The following SNX30 variants were observed in gnomAD, a reference collection of about 807,000 sequenced individuals.
SNX30 encodes sorting nexin family member 30.
A neutral mutation model predicts 46.4 loss-of-function variants in SNX30; 24 were observed. The ratio of observed to expected loss-of-function variants is 0.52; its 90% confidence interval spans 0.37 to 0.73. The LOEUF is 0.73. Among genes scored for constraint, SNX30 ranks in the 30% least tolerant of loss-of-function variants. The pLI, the probability that SNX30 is intolerant of heterozygous loss-of-function variation, is 0.00. For missense variants in SNX30, 533 were observed against 555.7 expected, an observed-to-expected ratio of 0.96 and a Z score of 0.41; for synonymous variants, 189 against 211.5, an observed-to-expected ratio of 0.89 and a Z score of 0.92.
At chr9:112,856,969 A>C (rs1841141370) in intron 7 of SNX30, among the ~76,000 whole-genome samples, 1 of 152,160 alleles carries the variant, frequency 6.6e-6, no homozygotes. Context: ...CGTGGAACTT[A>C]AGTGCCAAAG....
chr9:112,768,855 C>A (rs571718085), intron 1 of SNX30, among the ~76,000 whole-genome samples: 1 of 152,002 alleles, frequency 6.6e-6, no homozygotes, highest in East Asian at 1.9e-4. Flanking sequence ...ATGGGTTTCA[C>A]CATGTTGGCC....
chr9:112,786,293 A>AT lies in SNX30; in HGVS notation c.157-18475dup, dbSNP rs199543527. Among the ~76,000 whole-genome samples the AT allele has an allele frequency of 4.0e-3, 608 of 151,226 alleles. 10 individuals are homozygous for AT. Among genetic ancestry groups the AT allele is most frequent in the African/African-American group, 0.014 (576 of 41,186 alleles). On this transcript the variant is annotated intron_variant, in intron 1 of 8. Transcript: ENST00000374232. ...CCATCACGCTCTGCTAATCTTTTGT[A>AT]TTTTTTTTGTAGAGACAGGGTTTTG...
intron 7 of SNX30, among the ~76,000 whole-genome samples, chr9:112,854,576 T>C (rs73554322): frequency 8.9e-4 from 136 of 152,352 alleles, no homozygotes; most frequent in African/African-American, 3.2e-3. Flanking sequence ...TTCACTTTGC[T>C]GCTTCTTTAG....
At chr9:112,841,365 T>A (rs963328056) in intron 6 of SNX30, among the ~76,000 whole-genome samples, 2 of 152,238 alleles carry the variant, frequency 1.3e-5, no homozygotes, top group Non-Finnish European at 2.9e-5. Flanking sequence ...AAGTTAGACA[T>A]CAAAGAAACA....
At chr9:112,849,131 G>A (rs1406843981) in intron 6 of SNX30, among the ~76,000 whole-genome samples, 1 of 152,154 alleles carries the variant, frequency 6.6e-6, no homozygotes, top group Non-Finnish European at 1.5e-5. Flanking sequence ...CATCCCACAT[G>A]GCCCCTGCCC....
At chr9:112,865,242 TACACACACCAC>T (rs1841305441) in intron 8 of SNX30, among the ~76,000 whole-genome samples, 1 of 114,406 alleles carries the variant, frequency 8.7e-6, no homozygotes, top group Non-Finnish European at 1.8e-5. Context: ...ACACACACCA[TACACACACCAC>T]ACACACATAG....
intron 1 of SNX30, among the ~76,000 whole-genome samples, chr9:112,767,492 A>G (rs1004862503): frequency 2.6e-5 from 4 of 151,932 alleles, no homozygotes; most frequent in African/African-American, 9.7e-5. Context: ...TCTATTGCCA[A>G]CTTCAGTGTC....
intron 1 of SNX30, among the ~76,000 whole-genome samples, chr9:112,783,565 T>TG (rs1839878110): frequency 6.6e-6 from 1 of 152,198 alleles, no homozygotes; most frequent in Admixed American, 6.5e-5. Context: ...CTTTCTATTT[T>TG]GGGGTTTTGT....
intron 7 of SNX30, among the ~76,000 whole-genome samples, chr9:112,854,704 T>A (rs1841092404): frequency 6.6e-6 from 1 of 152,166 alleles, no homozygotes; most frequent in South Asian, 2.1e-4. Context: ...GCAGCTGCGT[T>A]GGTGGGCAGA....
At chr9:112,851,409 C>T (rs531082367) in intron 7 of SNX30, among the ~76,000 whole-genome samples, 1 of 152,320 alleles carries the variant, frequency 6.6e-6, no homozygotes, top group African/African-American at 2.4e-5. Context: ...GTGTTAAACT[C>T]GCGTGAGGAG....
At chr9:112,837,123 A>G (rs539364684) in intron 5 of SNX30, among the ~76,000 whole-genome samples, 1 of 152,366 alleles carries the variant, frequency 6.6e-6, no homozygotes, top group East Asian at 1.9e-4. Flanking sequence ...TCACTAAGCC[A>G]TGATGACTGT....
chr9:112,785,150 TAATC>T (rs370889696), intron 1 of SNX30, among the ~76,000 whole-genome samples: 28 of 152,306 alleles, frequency 1.8e-4, no homozygotes, highest in African/African-American at 6.5e-4. Context: ...CATAGAAACA[TAATC>T]AAGTATTTCA....
chr9:112,838,601 G>C lies in SNX30; in HGVS notation c.918G>C (p.Gly306=). 2 of 1,614,218 alleles carry C rather than the reference G, an allele frequency of 1.2e-6. No individual in the cohort carries two copies. Among genetic ancestry groups the C allele is most frequent in the Non-Finnish European group, 1.7e-6 (2 of 1,180,028 alleles). Residue 306 remains glycine, a synonymous_variant, in exon 6 of 9, where the codon GGG becomes GGC. Coordinates refer to ENST00000374232, the MANE Select transcript of SNX30 (RefSeq NM_001012994.2). The part of the protein sequence containing the change: ...EPLEGVSACI[G]NCSTALEELT... ...TGGAGGGTGTGTCAGCTTGCATTGG[G>C]AACTGCTCTACAGCCTTAGAAGAGC...
chr9:112,884,466 C>G (rs140905360), downstream of SNX30, among the ~76,000 whole-genome samples: 137 of 152,212 alleles, frequency 9.0e-4, 2 homozygotes, highest in African/African-American at 3.0e-3. Flanking sequence ...AGTGACTTTG[C>G]GGAAAGGAAA....
intron 1 of SNX30, among the ~76,000 whole-genome samples, chr9:112,777,394 G>T (rs549212875): frequency 6.6e-6 from 1 of 151,518 alleles, no homozygotes; most frequent in Non-Finnish European, 1.5e-5. Flanking sequence ...TAGTTTGTTC[G>T]TCTTCCATAT....
chr9:112,855,069 C>G (rs139657714), intron 7 of SNX30, among the ~76,000 whole-genome samples: 11 of 152,232 alleles, frequency 7.2e-5, no homozygotes, highest in African/African-American at 2.7e-4. Flanking sequence ...CAAGCTTCCC[C>G]TGCCTCCCTA....
chr9:112,877,156 A>G (rs1472940253), downstream of SNX30: 1 of 152,108 alleles, frequency 6.6e-6, no homozygotes, highest in Non-Finnish European at 1.5e-5. Flanking sequence ...CCCCTGGGTT[A>G]GAACATCTGT....
At chr9:112,881,767 T>G (rs960476005), downstream of SNX30, 1 of 152,220 alleles carries the variant, frequency 6.6e-6, no homozygotes, top group African/African-American at 2.4e-5. Context: ...TTCAGTCTAG[T>G]GGGCAAGTGT....
intron 1 of SNX30, among the ~76,000 whole-genome samples, chr9:112,790,547 G>A (rs957443329): frequency 6.6e-6 from 1 of 152,200 alleles, no homozygotes; most frequent in Non-Finnish European, 1.5e-5. Context: ...CTGATCCGAT[G>A]TACATTCATG....
Sources: gnomAD v4.1 joint callset for allele counts (sites outside exome capture counted in the v4.1 genomes callset) on GRCh38, gnomAD v4.1.1 for gene constraint, MANE v1.5 for transcripts, NCBI Gene and HGNC (gene_info 2026-07-23, HGNC 2026-07-21) for gene names.